Variants in PTPRT observed in about 807,000 individuals in gnomAD.
The protein encoded by PTPRT is receptor-type tyrosine-protein phosphatase T.
In PTPRT, 56 loss-of-function variants were observed where a neutral mutation model predicts 176.8. That is an observed-to-expected ratio of 0.32 (90% CI 0.26 to 0.40). PTPRT has a LOEUF of 0.40. Among genes scored for constraint, PTPRT ranks in the 10% least tolerant of loss-of-function variants. The pLI is 1.00. For synonymous variants in PTPRT, 783 were observed against 739.0 expected, an observed-to-expected ratio of 1.06 and a Z score of -0.96; for missense variants, 1,540 against 1,908.2, an observed-to-expected ratio of 0.81 and a Z score of 3.60.
At chr20:42,365,812 G>A (rs969099501) in intron 9 of PTPRT, among the ~76,000 whole-genome samples, 4 of 152,194 alleles carry the variant, frequency 2.6e-5, no homozygotes, top group Non-Finnish European at 5.9e-5. Context: ...TAACGGCCCT[G>A]AGCCTCAGGT....
chr20:42,295,786 T>C (rs940679705), intron 12 of PTPRT, among the ~76,000 whole-genome samples: 1 of 152,180 alleles, frequency 6.6e-6, no homozygotes, highest in African/African-American at 2.4e-5. Context: ...GGGAGGGACC[T>C]TGTGGGAGGT....
intron 7 of PTPRT, among the ~76,000 whole-genome samples, chr20:42,506,840 G>A (rs1444792246): frequency 1.3e-5 from 2 of 152,120 alleles, no homozygotes; most frequent in Non-Finnish European, 2.9e-5. Context: ...GATCCTCAGT[G>A]AGTCTATGTT....
chr20:42,226,283 G>GT (rs1297843317), intron 15 of PTPRT, among the ~76,000 whole-genome samples: 1 of 152,188 alleles, frequency 6.6e-6, no homozygotes, highest in Non-Finnish European at 1.5e-5. Flanking sequence ...ATTGTAAAAT[G>GT]TAAGTGGTAT....
chr20:42,363,991 G>A (rs571674107), intron 9 of PTPRT, among the ~76,000 whole-genome samples: 7 of 152,258 alleles, frequency 4.6e-5, no homozygotes, highest in Non-Finnish European at 1.0e-4. Flanking sequence ...AGGAGTATTT[G>A]GACAGGCAGA....
At position 42,195,120 on chromosome 20, in the gene PTPRT, C is replaced by T. The variant is rs191606038; in HGVS notation, c.2491+4120G>A. Among the ~76,000 whole-genome samples, 9 of 152,054 alleles carry T rather than the reference C, an allele frequency of 5.9e-5. No homozygotes were observed. The East Asian group carries it at 1.2e-3, about 20-fold the overall frequency. On this transcript the variant is annotated intron_variant, in intron 16 of 30. Coordinates refer to ENST00000373187, the MANE Select transcript of PTPRT (RefSeq NM_007050.6). ...TGTATACATATGTAACTAACCTGCA[C>T]GTTGTGCACATGTACCCTAAAACTT... is the stretch of plus-strand genomic sequence containing the variant.
chr20:42,387,506 TTTG>T (rs1308038501), intron 9 of PTPRT, among the ~76,000 whole-genome samples: 3 of 152,184 alleles, frequency 2.0e-5, no homozygotes, highest in Admixed American at 1.3e-4. Flanking sequence ...CCATGGTCTT[TTTG>T]TTGTTGTTGT....
chr20:42,421,276 A>G (rs190014458), intron 9 of PTPRT, among the ~76,000 whole-genome samples: 2 of 68,342 alleles, frequency 2.9e-5, no homozygotes, highest in African/African-American at 1.1e-4. Flanking sequence ...ACACACACAC[A>G]CGCATGCACA....
intron 9 of PTPRT, among the ~76,000 whole-genome samples, chr20:42,375,263 G>A (rs2058637477): frequency 6.6e-6 from 1 of 152,192 alleles, no homozygotes; most frequent in Admixed American, 6.5e-5. Flanking sequence ...AAGGAAGAGT[G>A]AGACACAGTC....
In PTPRT at chr20:42,276,038, T is replaced by C. The variant is rs114583219; in HGVS notation, c.2176+6451A>G. On this transcript the variant is annotated intron_variant, in intron 13 of 30. Coordinates refer to ENST00000373187, the MANE Select transcript of PTPRT (RefSeq NM_007050.6). ...TAGACTATCTCACTAGAGTCTTTCC[T>C]CTCACAAGTGATTCCCCATTATGGC... is the stretch of plus-strand genomic sequence containing the variant. Among the ~76,000 whole-genome samples, 518 of 152,234 alleles carry C rather than the reference T, an allele frequency of 3.4e-3. 2 individuals carry two copies. Among genetic ancestry groups the C allele is most frequent in the African/African-American group, 0.012 (502 of 41,548 alleles).
At chr20:42,520,301 G>A (rs1236001729) in intron 7 of PTPRT, among the ~76,000 whole-genome samples, 1 of 151,950 alleles carries the variant, frequency 6.6e-6, no homozygotes, top group Non-Finnish European at 1.5e-5. Context: ...AAATAGTCTC[G>A]ACATCAGCAC....
chr20:42,819,948 G>A (rs2077861563), intron 2 of PTPRT, among the ~76,000 whole-genome samples: 1 of 152,154 alleles, frequency 6.6e-6, no homozygotes, highest in Non-Finnish European at 1.5e-5. Context: ...AAGAGACTCA[G>A]ATTCCCACAC....
chr20:43,118,627 A>G (rs1289888323), intron 1 of PTPRT, among the ~76,000 whole-genome samples: 1 of 152,032 alleles, frequency 6.6e-6, no homozygotes, highest in Non-Finnish European at 1.5e-5. Flanking sequence ...TTTAGTAGAG[A>G]CGGGGTTTCA....
At chr20:42,776,719 TATCATATAATTA>T (rs2077141179) in intron 4 of PTPRT, among the ~76,000 whole-genome samples, 1 of 148,802 alleles carries the variant, frequency 6.7e-6, no homozygotes, top group Non-Finnish European at 1.5e-5. Flanking sequence ...TATATAAGCA[TATCATATAATTA>T]TATATGATAT....
At chr20:42,900,279 C>T (rs951450207) in intron 1 of PTPRT, among the ~76,000 whole-genome samples, 2 of 152,218 alleles carry the variant, frequency 1.3e-5, no homozygotes, top group African/African-American at 4.8e-5. Context: ...AACCCAGGTC[C>T]TTCCCATTCA....
chr20:43,075,254 T>C (rs1233571413), intron 1 of PTPRT, among the ~76,000 whole-genome samples: 1 of 152,250 alleles, frequency 6.6e-6, no homozygotes, highest in African/African-American at 2.4e-5. Context: ...ACACTGAGTT[T>C]AGAAGGTAGC....
intron 6 of PTPRT, among the ~76,000 whole-genome samples, chr20:42,710,417 T>C (rs1357441306): frequency 6.6e-6 from 1 of 152,204 alleles, no homozygotes; most frequent in Non-Finnish European, 1.5e-5. Flanking sequence ...CCCTATATCC[T>C]GGCTGCTCCA....
At chr20:42,608,549 T>G (rs1463038100) in intron 7 of PTPRT, among the ~76,000 whole-genome samples, 1 of 152,154 alleles carries the variant, frequency 6.6e-6, no homozygotes, top group Admixed American at 6.5e-5. Context: ...AGAGATGGCG[T>G]GCTTTTCTCA....
intron 1 of PTPRT, among the ~76,000 whole-genome samples, chr20:43,035,128 G>T (rs1413423894): frequency 6.6e-6 from 1 of 152,124 alleles, no homozygotes; most frequent in Non-Finnish European, 1.5e-5. Flanking sequence ...GAAACCTCAG[G>T]GAAGTGAGAA....
chr20:42,168,229 A>C lies in PTPRT; in HGVS notation c.2492-6687T>G, dbSNP rs190500513. Among the ~76,000 whole-genome samples, 280 of 152,314 alleles carry C rather than the reference A, an allele frequency of 1.8e-3. 2 individuals are homozygous for C. The highest frequency in any genetic ancestry group is 6.3e-3 in the African/African-American group (260 of 41,570). ...TTGCTGTCTCAGGAGTGACAGAGTCAGAAGAAAATTCATATATTAAGTAGA... is the reference window on the plus strand; with the variant it reads ...TTGCTGTCTCAGGAGTGACAGAGTCCGAAGAAAATTCATATATTAAGTAGA... On this transcript the variant is annotated intron_variant, in intron 16 of 30. Transcript: ENST00000373187.
Sources: gnomAD v4.1 joint callset for allele counts (sites outside exome capture counted in the v4.1 genomes callset) on GRCh38, gnomAD v4.1.1 for gene constraint, MANE v1.5 for transcripts, NCBI Gene and HGNC (gene_info 2026-07-23, HGNC 2026-07-21) for gene names.